PPM1B: variants seen among roughly 807,000 people sequenced by gnomAD.
PPM1B encodes the protein protein phosphatase 1B.
PPM1B carries 22 observed loss-of-function variants against 43.0 expected under a neutral mutation model. The observed-to-expected ratio is 0.51, with a 90% CI of 0.37 to 0.73. The LOEUF (loss-of-function observed/expected upper bound fraction) is 0.73, where lower values mean the gene tolerates loss of function less well. Ranked by LOEUF, PPM1B falls within the 30% of genes least tolerant of loss-of-function variation. PPM1B has a pLI of 0.00. For synonymous variants in PPM1B, 217 were observed against 197.9 expected, an observed-to-expected ratio of 1.10 and a Z score of -0.81; for missense variants, 632 against 584.2, an observed-to-expected ratio of 1.08 and a Z score of -0.84.
chr2:44,220,259 A>AATAC (rs1669912598), intron 5 of PPM1B, among the ~76,000 whole-genome samples: 2 of 134,852 alleles, frequency 1.5e-5, no homozygotes, highest in African/African-American at 5.9e-5. Context: ...AATCTTTAAA[A>AATAC]ATACATATAT....
At chr2:44,173,210 C>G (rs556473279) in intron 1 of PPM1B, among the ~76,000 whole-genome samples, 1 of 152,162 alleles carries the variant, frequency 6.6e-6, no homozygotes, top group Non-Finnish European at 1.5e-5. Flanking sequence ...ATACTGGAAT[C>G]AGCGTTATGG....
intron 2 of PPM1B, among the ~76,000 whole-genome samples, chr2:44,203,920 T>A (rs1371152794): frequency 6.6e-6 from 1 of 152,204 alleles, no homozygotes; most frequent in African/African-American, 2.4e-5. Context: ...GTTTAAATAT[T>A]TCTGGTGGTA....
intron 2 of PPM1B, among the ~76,000 whole-genome samples, chr2:44,202,751 G>C (rs1330932427): frequency 6.6e-6 from 1 of 152,064 alleles, no homozygotes; most frequent in East Asian, 1.9e-4. Context: ...AGTTTATTTA[G>C]ATTTGTAATT....
chr2:44,226,856 A>G (rs1670236815), intron 5 of PPM1B, among the ~76,000 whole-genome samples: 1 of 149,644 alleles, frequency 6.7e-6, no homozygotes, highest in Non-Finnish European at 1.5e-5. Context: ...AAAGACTGAC[A>G]AGGTTTATCA....
rs1429862918 is a variant in PPM1B at position 44,206,048 on chromosome 2, G to C, written c.847-3162G>C. ...CAAAAACAAACAAAAAACTGTATCAGATTGTTTTCTGTTTAAGTTTAGATG... is the reference window on the plus strand; with the variant it reads ...CAAAAACAAACAAAAAACTGTATCACATTGTTTTCTGTTTAAGTTTAGATG... On this transcript the variant is annotated intron_variant, in intron 2 of 5. Coordinates refer to ENST00000282412, the MANE Select transcript of PPM1B (RefSeq NM_002706.6). Among the ~76,000 whole-genome samples the C allele has an allele frequency of 1.1e-4, 17 of 152,154 alleles. 1 individual carries two copies. The highest frequency in any genetic ancestry group is 1.1e-3 in the Admixed American group (17 of 15,274).
downstream of PPM1B, among the ~76,000 whole-genome samples, chr2:44,236,427 A>AAAAAAAAAAAAAAAT (rs1670615825): frequency 6.7e-6 from 1 of 148,426 alleles, no homozygotes; most frequent in Non-Finnish European, 1.5e-5. Flanking sequence ...AAAAAAAAAA[A>AAAAAAAAAAAAAAAT]GTTGTAATGA....
At chr2:44,228,372 T>C (rs773811265) in intron 5 of PPM1B, among the ~76,000 whole-genome samples, 5 of 151,886 alleles carry the variant, frequency 3.3e-5, no homozygotes, top group Admixed American at 6.6e-5. Context: ...TAGGGTCTCA[T>C]TGTGTTTCCC....
rs563698461 is a variant in PPM1B at position 44,218,182 on chromosome 2, A to T, written c.1076+104A>T. On this transcript the variant is annotated intron_variant, in intron 4 of 5. Transcript: ENST00000282412. ...GAAGTACATCAATTATCTAGAGGTGAAATGGGTTAGTGTTTCTTATACTAG... is the reference window on the plus strand; with the variant it reads ...GAAGTACATCAATTATCTAGAGGTGTAATGGGTTAGTGTTTCTTATACTAG... 4.7e-6 allele frequency: 4 copies of T among 856,968 alleles called. No homozygotes were observed. In the African/African-American group the frequency reaches 6.8e-5, roughly 15 times the overall value. 53.1% of individuals were successfully genotyped at this position (856,968 alleles called of 1,614,324 possible). A position where few individuals can be genotyped will look rare whatever the true frequency, so the allele number is the denominator to read the frequency against.
chr2:44,194,882 G>A (rs74598084), intron 1 of PPM1B, among the ~76,000 whole-genome samples: 30,156 of 149,178 alleles, frequency 0.2, 3,356 homozygotes, highest in African/African-American at 0.29. Context: ...TTGCAAGATA[G>A]ACCTCCAGTC....
chr2:44,174,531 CT>C (rs1187535887), intron 1 of PPM1B, among the ~76,000 whole-genome samples: 1 of 152,110 alleles, frequency 6.6e-6, no homozygotes, highest in Non-Finnish European at 1.5e-5. Context: ...AAAACCTTGT[CT>C]TTTATAGAAA....
chr2:44,201,770 C>T lies in PPM1B; in HGVS notation c.571C>T (p.Arg191Cys), dbSNP rs1668950666. 2 of 1,614,168 alleles carry T rather than the reference C, an allele frequency of 1.2e-6. No individual in the cohort carries two copies. Among genetic ancestry groups the T allele is most frequent in the Non-Finnish European group, 1.7e-6 (2 of 1,180,028 alleles). Residue 191 changes from arginine (R) to cysteine (C), a missense_variant, in exon 2 of 6, where the codon CGT becomes TGT. By Grantham distance (180) the Arg-to-Cys change is radical (BLOSUM62 -3). Coordinates refer to ENST00000282412, the MANE Select transcript of PPM1B (RefSeq NM_002706.6). The surrounding 1 kb of genome is among the most constrained non-coding windows in gnomAD (Gnocchi z 5.4). ...TGCAGGAGGCAGCGTGATGATACAA[C>T]GTGTTAATGGTTCATTAGCAGTATC... ...QNAGGSVMIQ[R>C]VNGSLAVSRA...
At chr2:44,179,574 C>A (rs1667759268) in intron 1 of PPM1B, among the ~76,000 whole-genome samples, 1 of 152,044 alleles carries the variant, frequency 6.6e-6, no homozygotes, top group Non-Finnish European at 1.5e-5. Context: ...TTCCTAATGA[C>A]AAAATCTTAC....
At chr2:44,171,559 G>A (rs1044579613) in intron 1 of PPM1B, among the ~76,000 whole-genome samples, 3 of 152,170 alleles carry the variant, frequency 2.0e-5, no homozygotes. Context: ...GCCAGGTGCG[G>A]TGGCTCATGC....
At chr2:44,241,227 T>A (rs551747044) in intron 5 of PPM1B, among the ~76,000 whole-genome samples, 9 of 141,406 alleles carry the variant, frequency 6.4e-5, no homozygotes, top group African/African-American at 2.2e-4. Flanking sequence ...GGTCTCGAAC[T>A]CCCGACCTCA....
At chr2:44,235,486 C>G (rs1365490658), downstream of PPM1B, among the ~76,000 whole-genome samples, 1 of 151,770 alleles carries the variant, frequency 6.6e-6, no homozygotes, top group Admixed American at 6.6e-5. Flanking sequence ...GCCCGTAATC[C>G]CAGCTACTCG....
chr2:44,208,685 C>T (rs537606513), intron 2 of PPM1B, among the ~76,000 whole-genome samples: 171 of 152,278 alleles, frequency 1.1e-3, no homozygotes, highest in Non-Finnish European at 1.9e-3. Flanking sequence ...TGTGCTCCAG[C>T]CTGGGCAACA....
At chr2:44,199,064 C>G (rs1455039476) in intron 1 of PPM1B, among the ~76,000 whole-genome samples, 1 of 151,984 alleles carries the variant, frequency 6.6e-6, no homozygotes, top group Non-Finnish European at 1.5e-5. Context: ...CAAGACCAAT[C>G]TGGCCAACAT....
At chr2:44,200,691 T>C (rs1265482379) in intron 1 of PPM1B, among the ~76,000 whole-genome samples, 2 of 152,246 alleles carry the variant, frequency 1.3e-5, no homozygotes, top group Non-Finnish European at 2.9e-5. Flanking sequence ...TACTTGCTTT[T>C]GAAAGTCTTC....
chr2:44,187,178 A>G (rs1668164884), intron 1 of PPM1B, among the ~76,000 whole-genome samples: 2 of 152,194 alleles, frequency 1.3e-5, no homozygotes, highest in Non-Finnish European at 2.9e-5. Flanking sequence ...AAGTGGAATC[A>G]TGTAGTATTT....
Sources: allele counts gnomAD v4.1 joint callset (sites outside exome capture counted in the v4.1 genomes callset), GRCh38; gene constraint gnomAD v4.1.1; non-coding constraint Gnocchi (gnomAD v3.1); transcripts MANE v1.5; gene names NCBI Gene and HGNC (gene_info 2026-07-23, HGNC 2026-07-21).